The following SLC67A1 variants were observed in gnomAD, a reference collection of about 807,000 sequenced individuals.
SLC67A1 encodes the protein solute carrier family 67 member 1.
chr11:2,922,348 T>G, the SLC67A1 span: 1 of 1,557,426 alleles, frequency 6.4e-7, no homozygotes, highest in South Asian at 1.1e-5. Context: ...GGGACAGCAG[T>G]CAGGGTGGGG....
chr11:2,912,039 G>A, the SLC67A1 span, among the ~76,000 whole-genome samples: 1 of 152,208 alleles, frequency 6.6e-6, no homozygotes, highest in Non-Finnish European at 1.5e-5. Context: ...GGTAACCGAG[G>A]CCCAGGAGAT....
At chr11:2,914,506 G>C in the SLC67A1 span, among the ~76,000 whole-genome samples, 1 of 152,116 alleles carries the variant, frequency 6.6e-6, no homozygotes, top group South Asian at 2.1e-4. Flanking sequence ...ACTGGGGAAG[G>C]ACAGCCTGCG....
the SLC67A1 span, chr11:2,909,179 C>T: frequency 1.3e-6 from 2 of 1,493,576 alleles, no homozygotes; most frequent in South Asian, 1.3e-5. Flanking sequence ...GGGTCCGACC[C>T]GCCCCTCGGC....
the SLC67A1 span, chr11:2,916,606 A>C: frequency 6.2e-7 from 1 of 1,602,608 alleles, no homozygotes; most frequent in East Asian, 2.2e-5. Context: ...TGTGCAGCCG[A>C]GGCTGTTGCC....
At chr11:2,904,618 G>A in the SLC67A1 span, among the ~76,000 whole-genome samples, 3 of 152,236 alleles carry the variant, frequency 2.0e-5, no homozygotes, top group East Asian at 1.9e-4. Context: ...GCCACCCATC[G>A]ACTCTCATGG....
chr11:2,904,595 T>C, the SLC67A1 span, among the ~76,000 whole-genome samples: 6 of 152,324 alleles, frequency 3.9e-5, no homozygotes, highest in South Asian at 1.2e-3. Flanking sequence ...AGAGCACAGG[T>C]GGAGTGGCTT....
chr11:2,915,313 T>C, the SLC67A1 span: 1 of 871,620 alleles, frequency 1.1e-6, no homozygotes, highest in Non-Finnish European at 1.4e-6. Flanking sequence ...GTGGCTGCGG[T>C]GAAGAGGGGC....
At chr11:2,924,545 G>C in the SLC67A1 span, among the ~76,000 whole-genome samples, 484 of 152,330 alleles carry the variant, frequency 3.2e-3, 3 homozygotes, top group African/African-American at 0.011. The surrounding 1 kb of genome is among the most constrained non-coding windows in gnomAD (Gnocchi z 8.6). Flanking sequence ...AGCCGTGAGA[G>C]CCAGCTCCCT....
At chr11:2,901,310 G>A in the SLC67A1 span, among the ~76,000 whole-genome samples, 1 of 152,226 alleles carries the variant, frequency 6.6e-6, no homozygotes, top group Non-Finnish European at 1.5e-5. Flanking sequence ...CCTGGCTCTG[G>A]CCCCCCTGCC....
At chr11:2,905,598 C>A in the SLC67A1 span, among the ~76,000 whole-genome samples, 1 of 152,100 alleles carries the variant, frequency 6.6e-6, no homozygotes, top group Non-Finnish European at 1.5e-5. Context: ...TGGGTTGGTT[C>A]CAAGTCTTTG....
chr11:2,913,264 T>C, the SLC67A1 span, among the ~76,000 whole-genome samples: 1 of 152,088 alleles, frequency 6.6e-6, no homozygotes, highest in African/African-American at 2.4e-5. Flanking sequence ...CTCCGGTTCT[T>C]TCTGTTCTTC....
the SLC67A1 span, chr11:2,922,265 C>T: frequency 4.2e-5 from 64 of 1,539,586 alleles, no homozygotes; most frequent in South Asian, 2.1e-4. Flanking sequence ...GCCACCTGGG[C>T]GGTACCATCT....
the SLC67A1 span, among the ~76,000 whole-genome samples, chr11:2,900,637 G>C: frequency 1.4e-5 from 2 of 144,024 alleles, no homozygotes; most frequent in African/African-American, 5.2e-5. Context: ...AGCTTGCAGC[G>C]AGCCGAGATC....
the SLC67A1 span, among the ~76,000 whole-genome samples, chr11:2,907,412 T>C: frequency 2.0e-5 from 3 of 152,244 alleles, no homozygotes; most frequent in South Asian, 4.1e-4. The surrounding 1 kb of genome is among the most constrained non-coding windows in gnomAD (Gnocchi z 6.7). Flanking sequence ...TCCCTTGGCT[T>C]GTGGCCACAT....
chr11:2,901,675 G>A, the SLC67A1 span, among the ~76,000 whole-genome samples: 1 of 152,226 alleles, frequency 6.6e-6, no homozygotes, highest in Admixed American at 6.5e-5. Flanking sequence ...CCCTGCAAGG[G>A]TGGGGAAGTG....
chr11:2,924,417 C>T, the SLC67A1 span, among the ~76,000 whole-genome samples: 1 of 152,104 alleles, frequency 6.6e-6, no homozygotes, highest in South Asian at 2.1e-4. This position sits in a 1 kb window ranked among gnomAD's most constrained non-coding sequence, Gnocchi z 8.6. Flanking sequence ...CCAGGAGGGG[C>T]CGTGGGATGG....
the SLC67A1 span, among the ~76,000 whole-genome samples, chr11:2,906,687 G>A: frequency 2.2e-4 from 33 of 149,162 alleles, no homozygotes; most frequent in East Asian, 5.3e-3. Flanking sequence ...GACACAGGGC[G>A]GGGAATATCA....
chr11:2,902,709 G>C, the SLC67A1 span: 1 of 985,598 alleles, frequency 1.0e-6, no homozygotes, highest in Non-Finnish European at 1.2e-6. Flanking sequence ...ACAGCACTCC[G>C]CTGTGGGAGG....
chr11:2,923,593 C>T, the SLC67A1 span, among the ~76,000 whole-genome samples: 25 of 152,356 alleles, frequency 1.6e-4, no homozygotes, highest in East Asian at 4.6e-3. This position sits in a 1 kb window ranked among gnomAD's most constrained non-coding sequence, Gnocchi z 6.5. Context: ...CCTCCAAGGC[C>T]TTCGGGGACT....
Sources: allele counts gnomAD v4.1 joint callset (sites outside exome capture counted in the v4.1 genomes callset), GRCh38; gene constraint gnomAD v4.1.1; non-coding constraint Gnocchi (gnomAD v3.1); transcripts MANE v1.5; gene names NCBI Gene and HGNC (gene_info 2026-07-23, HGNC 2026-07-21).